Variants in TMEM132D observed in about 807,000 individuals in gnomAD.
TMEM132D encodes the protein transmembrane protein 132D, also known as mature OL transmembrane protein.
TMEM132D carries 21 observed loss-of-function variants against 62.3 expected under a neutral mutation model. The ratio of observed to expected loss-of-function variants is 0.34; its 90% CI spans 0.24 to 0.49. The LOEUF (loss-of-function observed/expected upper bound fraction) is 0.49. Among genes scored for constraint, TMEM132D ranks in the 20% least tolerant of loss-of-function variants. TMEM132D has a pLI of 0.99. For synonymous variants in TMEM132D, 621 were observed against 575.6 expected, an observed-to-expected ratio of 1.08 and a Z score of -1.13; for missense variants, 1,346 against 1,402.8, an observed-to-expected ratio of 0.96 and a Z score of 0.65.
chr12:129,501,693 A>G (rs992527450), intron 3 of TMEM132D, among the ~76,000 whole-genome samples: 9 of 151,850 alleles, frequency 5.9e-5, no homozygotes, highest in African/African-American at 2.2e-4. Flanking sequence ...TTTTGTAGAG[A>G]TGGGGTTTTA....
chr12:129,321,849 GCA>G (rs1593336705), intron 4 of TMEM132D, among the ~76,000 whole-genome samples: 2 of 152,236 alleles, frequency 1.3e-5, no homozygotes, highest in African/African-American at 4.8e-5. Flanking sequence ...GTGAGCCACT[GCA>G]CCCGGCCGAG....
chr12:129,885,769 C>T (rs2137389624), intron 1 of TMEM132D, among the ~76,000 whole-genome samples: 1 of 152,306 alleles, frequency 6.6e-6, no homozygotes, highest in East Asian at 1.9e-4. Flanking sequence ...GAAACTGTTA[C>T]ATCACTCTTT....
At chr12:129,250,501 T>C (rs78449717) in intron 4 of TMEM132D, among the ~76,000 whole-genome samples, 2,604 of 152,314 alleles carry the variant, frequency 0.017, 70 homozygotes, top group African/African-American at 0.056. Flanking sequence ...TTCCTAACTC[T>C]GATCCTCCTG....
chr12:129,160,233 T>G (rs569226537), intron 5 of TMEM132D, among the ~76,000 whole-genome samples: 1 of 152,214 alleles, frequency 6.6e-6, no homozygotes, highest in African/African-American at 2.4e-5. Context: ...TTTCACAGAA[T>G]TCAATTCACA....
In TMEM132D at chr12:129,686,937, T is replaced by C. The variant is rs1484194289; in HGVS notation, c.968+12873A>G. 3.3e-5 allele frequency among the ~76,000 whole-genome samples: 5 copies of C among 152,308 alleles called. No individual in the cohort carries two copies. In the South Asian group the frequency reaches 1.0e-3, roughly 32 times the overall value. On this transcript the variant is annotated intron_variant, in intron 2 of 8. Coordinates refer to ENST00000422113, the MANE Select transcript of TMEM132D (RefSeq NM_133448.3). ...ATGTTTCTACACGCTTTTCGGGTTT[T>C]TCCTTCTAGCTGTTTTTCAATCAAA...
chr12:129,535,683 CAT>C (rs1348499426), intron 2 of TMEM132D, among the ~76,000 whole-genome samples: 3 of 151,808 alleles, frequency 2.0e-5, no homozygotes, highest in Non-Finnish European at 2.9e-5. Context: ...ATAAAGAACA[CAT>C]AGAGACAGAA....
At position 129,202,865 on chromosome 12, in the gene TMEM132D, C is replaced by T. The variant is rs537684749; in HGVS notation, c.1443+6655G>A. ...TGTTTTCCCTTCAGTGTTTAAACTA[C>T]GTGAGGCAGCTTTAGGCTAAACGTT... On this transcript the variant is annotated intron_variant, in intron 5 of 8. Coordinates refer to ENST00000422113, the MANE Select transcript of TMEM132D (RefSeq NM_133448.3). Among the ~76,000 whole-genome samples the T allele has an allele frequency of 3.9e-5, 6 of 152,306 alleles. No individual in the cohort carries two copies. In the South Asian group the frequency reaches 8.3e-4, roughly 21 times the overall value.
At chr12:129,892,847 G>A (rs1874973878) in intron 1 of TMEM132D, among the ~76,000 whole-genome samples, 1 of 152,026 alleles carries the variant, frequency 6.6e-6, no homozygotes, top group Admixed American at 6.6e-5. Context: ...CCTGATTTAT[G>A]CATAATGGCG....
chr12:129,173,845 G>T (rs1487041247), intron 5 of TMEM132D, among the ~76,000 whole-genome samples: 1 of 152,120 alleles, frequency 6.6e-6, no homozygotes, highest in African/African-American at 2.4e-5. Flanking sequence ...CCAGTTGCCA[G>T]CATTTTTAAC....
chr12:129,722,733 T>G (rs1184125504), intron 1 of TMEM132D, among the ~76,000 whole-genome samples: 1 of 48,392 alleles, frequency 2.1e-5, no homozygotes. Context: ...GGCTCCTTTT[T>G]CTTTTTTTCT....
intron 1 of TMEM132D, among the ~76,000 whole-genome samples, chr12:129,781,007 G>T (rs941865847): frequency 5.9e-5 from 9 of 152,170 alleles, no homozygotes; most frequent in Non-Finnish European, 1.3e-4. Flanking sequence ...CCTGCTGGGG[G>T]GTGACAGCAG....
At chr12:129,517,993 G>A (rs1218313772) in intron 3 of TMEM132D, among the ~76,000 whole-genome samples, 2 of 151,936 alleles carry the variant, frequency 1.3e-5, no homozygotes, top group African/African-American at 2.4e-5. Context: ...TAATTTACCT[G>A]GCAAAAAGAT....
chr12:129,362,599 C>A (rs568546137), intron 3 of TMEM132D, among the ~76,000 whole-genome samples: 1 of 151,688 alleles, frequency 6.6e-6, no homozygotes, highest in African/African-American at 2.4e-5. Context: ...TGTTGGGAGT[C>A]TTTTTCTTAT....
chr12:129,146,701 T>G (rs748434295), intron 5 of TMEM132D, among the ~76,000 whole-genome samples: 3 of 152,192 alleles, frequency 2.0e-5, no homozygotes, highest in Admixed American at 6.5e-5. Flanking sequence ...TTACCCTGCT[T>G]ACCCAGCTGG....
At chr12:129,708,624 AAAAAAAACACAC>A (rs1301619751) in intron 1 of TMEM132D, among the ~76,000 whole-genome samples, 2 of 90,324 alleles carry the variant, frequency 2.2e-5, no homozygotes, top group African/African-American at 4.4e-5. Flanking sequence ...AAAAAAAAAA[AAAAAAAACACAC>A]ACACACACAC....
intron 5 of TMEM132D, among the ~76,000 whole-genome samples, chr12:129,136,694 C>A (rs920828969): frequency 6.6e-6 from 1 of 151,928 alleles, no homozygotes; most frequent in East Asian, 1.9e-4. Context: ...TCATCATCAA[C>A]ATCACCATCA....
chr12:129,774,337 C>T (rs1870851596), intron 1 of TMEM132D, among the ~76,000 whole-genome samples: 2 of 152,166 alleles, frequency 1.3e-5, no homozygotes, highest in Admixed American at 6.5e-5. Context: ...TGGGCCCACC[C>T]TTCAGATCTC....
At chr12:129,893,139 T>C (rs1874984166) in intron 1 of TMEM132D, among the ~76,000 whole-genome samples, 2 of 152,098 alleles carry the variant, frequency 1.3e-5, no homozygotes, top group South Asian at 4.1e-4. Context: ...CCTCCCAAAG[T>C]GCTGGGATTA....
intron 3 of TMEM132D, among the ~76,000 whole-genome samples, chr12:129,394,784 A>T (rs1203289826): frequency 6.6e-6 from 1 of 152,256 alleles, no homozygotes; most frequent in East Asian, 1.9e-4. Context: ...AAACATCCAG[A>T]AGTGGCAAAT....
Sources: allele counts gnomAD v4.1 joint callset (sites outside exome capture counted in the v4.1 genomes callset), GRCh38; gene constraint gnomAD v4.1.1; transcripts MANE v1.5; gene names NCBI Gene and HGNC (gene_info 2026-07-23, HGNC 2026-07-21).